Variants in JAZF1 observed in about 807,000 individuals in gnomAD.
JAZF1 encodes juxtaposed with another zinc finger protein 1.
JAZF1 carries 8 observed loss-of-function variants against 26.4 expected under a neutral mutation model. That is an observed-to-expected ratio of 0.30 (90% confidence interval 0.18 to 0.55). The LOEUF (loss-of-function observed/expected upper bound fraction) is 0.55, where lower values mean the gene tolerates loss of function less well. Ranked by LOEUF, JAZF1 falls within the 20% of genes least tolerant of loss-of-function variation. The pLI, the probability that JAZF1 is intolerant of heterozygous loss-of-function variation, is 0.94. For missense variants in JAZF1, 199 were observed against 322.0 expected (o/e 0.62, Z 2.92); for synonymous variants, 126 against 122.3 (o/e 1.03, Z -0.20).
intron 1 of JAZF1, among the ~76,000 whole-genome samples, chr7:28,067,412 C>G (rs1015039151): frequency 3.9e-5 from 6 of 152,200 alleles, no homozygotes; most frequent in African/African-American, 1.4e-4. Flanking sequence ...CTTGCTGCTC[C>G]TGCCCTCTCC....
At chr7:28,005,830 C>A (rs1782691036) in intron 1 of JAZF1, among the ~76,000 whole-genome samples, 2 of 146,960 alleles carry the variant, frequency 1.4e-5, no homozygotes, top group Admixed American at 6.9e-5. Context: ...TCCTGACAAT[C>A]TTGGCTTCTG....
At chr7:28,054,641 C>A (rs536005365) in intron 1 of JAZF1, among the ~76,000 whole-genome samples, 1 of 152,150 alleles carries the variant, frequency 6.6e-6, no homozygotes, top group East Asian at 1.9e-4. Context: ...TTTAGGAAAC[C>A]CAGGGCCTGG....
chr7:28,002,952 C>T (rs903828833), intron 1 of JAZF1, among the ~76,000 whole-genome samples: 4 of 152,070 alleles, frequency 2.6e-5, no homozygotes, highest in African/African-American at 9.7e-5. Flanking sequence ...GGAAGTCATA[C>T]ATGGTGAAGC....
intron 1 of JAZF1, among the ~76,000 whole-genome samples, chr7:28,031,457 T>C (rs953624719): frequency 7.9e-5 from 12 of 152,146 alleles, no homozygotes; most frequent in African/African-American, 2.4e-4. Context: ...CAGCCCCAGA[T>C]TGCTTCTGAG....
chr7:27,865,995 T>C (rs938629930), intron 3 of JAZF1, among the ~76,000 whole-genome samples: 5 of 152,154 alleles, frequency 3.3e-5, no homozygotes, highest in Admixed American at 2.0e-4. Flanking sequence ...AGAATGATCA[T>C]GTATGCGGCA....
At chr7:28,056,476 A>ACACAC (rs1562572650) in intron 1 of JAZF1, among the ~76,000 whole-genome samples, 1 of 77,788 alleles carries the variant, frequency 1.3e-5, no homozygotes, top group African/African-American at 5.0e-5. Flanking sequence ...ACACACACAC[A>ACACAC]ATAAGAAAGA....
chr7:27,958,448 A>G (rs2128356570), intron 2 of JAZF1, among the ~76,000 whole-genome samples: 1 of 152,322 alleles, frequency 6.6e-6, no homozygotes, highest in African/African-American at 2.4e-5. Flanking sequence ...ACAGGACTCA[A>G]CCTCCATGAA....
chr7:28,152,507 T>G (rs1284325041), intron 1 of JAZF1, among the ~76,000 whole-genome samples: 1 of 152,228 alleles, frequency 6.6e-6, no homozygotes, highest in African/African-American at 2.4e-5. Flanking sequence ...CTTCTAATAC[T>G]CAATGCTTCA....
chr7:28,092,326 A>AAAAAAAAAAAAT (rs1562584279), intron 1 of JAZF1, among the ~76,000 whole-genome samples: 1 of 132,508 alleles, frequency 7.5e-6, no homozygotes, highest in Admixed American at 8.0e-5. Flanking sequence ...AAAAAAAAAA[A>AAAAAAAAAAAAT]CAACTAATGT....
At chr7:27,836,470 C>T (rs1782816066) in intron 4 of JAZF1, among the ~76,000 whole-genome samples, 1 of 152,158 alleles carries the variant, frequency 6.6e-6, no homozygotes, top group Non-Finnish European at 1.5e-5. Flanking sequence ...CCTGTCCTTA[C>T]CTGTATGGGA....
At chr7:28,012,112 TTTTCA>T (rs758133074) in intron 1 of JAZF1, among the ~76,000 whole-genome samples, 1 of 152,212 alleles carries the variant, frequency 6.6e-6, no homozygotes, top group East Asian at 1.9e-4. Context: ...GCTGAAGCAT[TTTTCA>T]TTTAGAGTAA....
chr7:27,963,334 C>A (rs558943837), intron 2 of JAZF1, among the ~76,000 whole-genome samples: 1 of 152,280 alleles, frequency 6.6e-6, no homozygotes, highest in East Asian at 1.9e-4. Context: ...CTCTTTCCAA[C>A]TGTTAAGAGG....
intron 3 of JAZF1, among the ~76,000 whole-genome samples, chr7:27,850,238 G>T (rs1161001889): frequency 6.6e-6 from 1 of 152,122 alleles, no homozygotes; most frequent in East Asian, 1.9e-4. Context: ...CACTTTATAG[G>T]AGCTGAAGCA....
At chr7:27,869,758 CCTT>C (rs766376493) in intron 3 of JAZF1, among the ~76,000 whole-genome samples, 2 of 152,194 alleles carry the variant, frequency 1.3e-5, no homozygotes, top group Non-Finnish European at 2.9e-5. Flanking sequence ...ATCTCTCTGT[CCTT>C]CTGCCATTTC....
intron 3 of JAZF1, among the ~76,000 whole-genome samples, chr7:27,875,181 G>A (rs770389129): frequency 1.2e-4 from 18 of 152,200 alleles, no homozygotes; most frequent in Middle Eastern, 3.4e-3. Context: ...GCCTCCACTC[G>A]GCTGCCTGGG....
chr7:27,940,903 C>T (rs1347314669), intron 2 of JAZF1, among the ~76,000 whole-genome samples: 2 of 152,190 alleles, frequency 1.3e-5, no homozygotes, highest in African/African-American at 2.4e-5. Flanking sequence ...TAAGCAAGTA[C>T]ATAAATGTCT....
At chr7:27,939,884 T>C (rs1156658934) in intron 2 of JAZF1, among the ~76,000 whole-genome samples, 1 of 152,192 alleles carries the variant, frequency 6.6e-6, no homozygotes, top group African/African-American at 2.4e-5. Context: ...GATGAACACA[T>C]TGGAATCTGG....
At chr7:28,077,225 A>T (rs1402989686) in intron 1 of JAZF1, among the ~76,000 whole-genome samples, 3 of 152,216 alleles carry the variant, frequency 2.0e-5, no homozygotes, top group Non-Finnish European at 4.4e-5. Flanking sequence ...TTAAGAAAAA[A>T]AGAGGAGGAC....
intron 1 of JAZF1, among the ~76,000 whole-genome samples, chr7:28,025,140 AG>A (rs566601745): frequency 4.8e-4 from 73 of 152,314 alleles, no homozygotes; most frequent in Admixed American, 1.1e-3. Context: ...TTGAGTGTCC[AG>A]GGCTGTTACT....
Sources: allele counts gnomAD v4.1 joint callset (sites outside exome capture counted in the v4.1 genomes callset), GRCh38; gene constraint gnomAD v4.1.1; transcripts MANE v1.5; gene names NCBI Gene and HGNC (gene_info 2026-07-23, HGNC 2026-07-21).